The following RYK variants were observed in gnomAD, a reference collection of about 807,000 sequenced individuals.
The protein encoded by RYK is receptor like tyrosine kinase.
A neutral mutation model predicts 70.2 loss-of-function variants in RYK; 21 were observed. The ratio of observed to expected loss-of-function variants is 0.30; its 90% CI spans 0.21 to 0.43. RYK has a LOEUF of 0.43. Ranked by LOEUF, RYK falls within the 20% of genes least tolerant of loss-of-function variation. RYK has a pLI of 1.00. For missense variants in RYK, 604 were observed against 753.3 expected (o/e 0.80, Z 2.32); for synonymous variants, 267 against 278.0 (o/e 0.96, Z 0.39).
intron 4 of RYK, among the ~76,000 whole-genome samples, chr3:134,208,111 C>T (rs927574198): frequency 1.3e-5 from 2 of 152,092 alleles, no homozygotes; most frequent in African/African-American, 4.8e-5. Context: ...AAGTCTAAAA[C>T]AGAATAGAAA....
chr3:134,207,531 T>A lies in RYK; in HGVS notation c.590-6A>T. On this transcript the variant is annotated splice_polypyrimidine_tract_variant and splice_region_variant and intron_variant, in intron 4 of 14. Coordinates refer to ENST00000623711, the MANE Select transcript of RYK (RefSeq NM_002958.4). ...AGTTTTTACTTCTTCAAGTTCTGAA[T>A]TTAAAGGAGAAAAATGATGCTTTAG... is the stretch of plus-strand genomic sequence containing the variant. 6.6e-7 allele frequency: 1 copy of A among 1,525,986 alleles called. No individual in the cohort carries two copies. The highest frequency in any genetic ancestry group is 8.9e-7 in the Non-Finnish European group (1 of 1,129,638). 94.5% of individuals were successfully genotyped at this position (1,525,986 alleles called of 1,614,324 possible).
chr3:134,159,509 A>T lies in RYK; in HGVS notation c.1576-136T>A, dbSNP rs954422290. On this transcript the variant is annotated intron_variant, in intron 13 of 14. Coordinates refer to ENST00000623711, the MANE Select transcript of RYK (RefSeq NM_002958.4). The stretch of plus-strand genomic sequence containing the variant: ...AAAGCGAAATGTTATTTACAAAAAA[A>T]TGTCTATCATACACAGTTAGTTTCC... 6 of 751,678 alleles carry T rather than the reference A, an allele frequency of 8.0e-6. No homozygotes were observed. In the Admixed American group the frequency reaches 9.9e-5, roughly 12 times the overall value. The allele number at this position is 751,678 out of a possible 1,614,324, so 46.6% of individuals were successfully genotyped here.
chr3:134,219,657 T>G (rs1330711390), intron 2 of RYK, among the ~76,000 whole-genome samples: 2 of 152,214 alleles, frequency 1.3e-5, no homozygotes, highest in Non-Finnish European at 2.9e-5. Context: ...TATAAGAAGC[T>G]TCTCTGCCTG....
intron 5 of RYK, among the ~76,000 whole-genome samples, chr3:134,203,739 C>A (rs2014103534): frequency 6.6e-6 from 1 of 152,222 alleles, no homozygotes; most frequent in Non-Finnish European, 1.5e-5. Flanking sequence ...ATAAAATATA[C>A]TACAGCAGTG....
intron 2 of RYK, among the ~76,000 whole-genome samples, chr3:134,215,047 T>C (rs967460741): frequency 4.6e-5 from 7 of 152,230 alleles, no homozygotes; most frequent in African/African-American, 1.7e-4. Flanking sequence ...TTCTATCTAA[T>C]TATCCTACAG....
intron 1 of RYK, among the ~76,000 whole-genome samples, chr3:134,231,580 T>C (rs995587788): frequency 6.6e-6 from 1 of 152,140 alleles, no homozygotes; most frequent in Non-Finnish European, 1.5e-5. Flanking sequence ...ACCCTGGCCG[T>C]CCACCCCTTA....
intron 6 of RYK, among the ~76,000 whole-genome samples, chr3:134,196,010 A>G (rs997393981): frequency 4.6e-5 from 7 of 152,096 alleles, no homozygotes; most frequent in African/African-American, 1.4e-4. Flanking sequence ...TGCTTCTTCT[A>G]CTTCCCCAAT....
At chr3:134,208,927 C>A (rs2014304488) in intron 4 of RYK, among the ~76,000 whole-genome samples, 1 of 145,828 alleles carries the variant, frequency 6.9e-6, no homozygotes, top group African/African-American at 2.8e-5. Context: ...AGTATATTTC[C>A]CCCCCCCATC....
At chr3:134,234,045 G>A (rs769549830) in intron 1 of RYK, among the ~76,000 whole-genome samples, 51 of 152,028 alleles carry the variant, frequency 3.4e-4, no homozygotes, top group Non-Finnish European at 5.0e-4. Flanking sequence ...TATAAATAGT[G>A]GATTATGGAT....
chr3:134,207,657 C>T, intron 4 of RYK, 132 bp from the exon 5 acceptor site: 1 of 597,790 alleles, frequency 1.7e-6, no homozygotes, highest in Non-Finnish European at 2.9e-6. Flanking sequence ...AGCTATGTTA[C>T]TATTCTGATA....
chr3:134,214,013 G>A (rs1460012342), intron 2 of RYK, among the ~76,000 whole-genome samples: 2 of 151,978 alleles, frequency 1.3e-5, no homozygotes, highest in African/African-American at 2.4e-5. Context: ...CACCATGTTG[G>A]CCAGGATGGT....
At chr3:134,241,103 G>A (rs779554276) in intron 1 of RYK, among the ~76,000 whole-genome samples, 1 of 149,016 alleles carries the variant, frequency 6.7e-6, no homozygotes, top group South Asian at 2.2e-4. Context: ...GGGTTGGTGG[G>A]GGAGGGAAAT....
chr3:134,193,222 T>C lies in RYK; in HGVS notation c.890-1248A>G, dbSNP rs535849703. 1.4e-3 allele frequency among the ~76,000 whole-genome samples: 220 copies of C among 152,102 alleles called. 6 individuals carry two copies. In the South Asian group the frequency reaches 0.032, roughly 22 times the overall value. On this transcript the variant is annotated intron_variant, in intron 7 of 14. Coordinates refer to ENST00000623711, the MANE Select transcript of RYK (RefSeq NM_002958.4). ...TTTTTGAGACGGAGTCTCACTCTGT[T>C]GCCTAGGCTGGAGTGCAGTGGCGTG...
intron 1 of RYK, among the ~76,000 whole-genome samples, chr3:134,250,007 A>G (rs946217846): frequency 6.9e-6 from 1 of 144,392 alleles, no homozygotes; most frequent in Admixed American, 7.4e-5. Flanking sequence ...AAGGGTTTGC[A>G]AGTTCAGTCT....
chr3:134,227,543 G>GA (rs1032481071), intron 1 of RYK, among the ~76,000 whole-genome samples: 29 of 144,206 alleles, frequency 2.0e-4, no homozygotes, highest in South Asian at 6.6e-4. Context: ...AATATACAGA[G>GA]AAAAAAAAAA....
intron 1 of RYK, among the ~76,000 whole-genome samples, chr3:134,248,849 T>A (rs970972960): frequency 6.6e-6 from 1 of 152,000 alleles, no homozygotes; most frequent in African/African-American, 2.4e-5. Flanking sequence ...AACCCCACTT[T>A]CCTCATCTCT....
chr3:134,184,961 C>CAAA (rs34543975), intron 9 of RYK, among the ~76,000 whole-genome samples: 109 of 78,948 alleles, frequency 1.4e-3, no homozygotes, highest in Non-Finnish European at 1.6e-3. Flanking sequence ...CCCATCTCTA[C>CAAA]AAAAAAAAAA....
At chr3:134,192,953 G>A (rs562025957) in intron 7 of RYK, among the ~76,000 whole-genome samples, 2 of 152,182 alleles carry the variant, frequency 1.3e-5, no homozygotes, top group South Asian at 2.1e-4. Context: ...CTGTTGCGTT[G>A]TTATCTTAGA....
intron 9 of RYK, among the ~76,000 whole-genome samples, chr3:134,186,834 A>T (rs1339918664): frequency 6.6e-6 from 1 of 152,194 alleles, no homozygotes; most frequent in Non-Finnish European, 1.5e-5. Flanking sequence ...AGTTCTACAC[A>T]GTCTATAGAA....
Sources: allele counts gnomAD v4.1 joint callset (sites outside exome capture counted in the v4.1 genomes callset), GRCh38; gene constraint gnomAD v4.1.1; transcripts MANE v1.5; gene names NCBI Gene and HGNC (gene_info 2026-07-23, HGNC 2026-07-21).